LCLAT1: variants seen among roughly 807,000 people sequenced by gnomAD.
LCLAT1 encodes 1-AGP acyltransferase 8.
In LCLAT1, 11 loss-of-function variants were observed where a neutral mutation model predicts 30.7. The observed-to-expected ratio is 0.36, with a 90% CI of 0.23 to 0.59. The LOEUF (loss-of-function observed/expected upper bound fraction) is 0.59, where lower values mean the gene tolerates loss of function less well. Among genes scored for constraint, LCLAT1 ranks in the 20% least tolerant of loss-of-function variants. LCLAT1 has a pLI of 0.77. For synonymous variants in LCLAT1, 155 were observed against 151.3 expected, an observed-to-expected ratio of 1.02 and a Z score of -0.18; for missense variants, 402 against 458.6, an observed-to-expected ratio of 0.88 and a Z score of 1.13.
chr2:30,452,863 C>T (rs974859873), intron 1 of LCLAT1, among the ~76,000 whole-genome samples: 1 of 152,046 alleles, frequency 6.6e-6, no homozygotes, highest in Non-Finnish European at 1.5e-5. Flanking sequence ...CACACCTTTA[C>T]CTTGTCCTCT....
chr2:30,621,132 A>G (rs17009896), intron 5 of LCLAT1, among the ~76,000 whole-genome samples: 2,347 of 152,266 alleles, frequency 0.015, 56 homozygotes, highest in African/African-American at 0.054. Flanking sequence ...GAAAGTCCTT[A>G]TTTACCCCTC....
At chr2:30,519,784 G>A (rs368005079) in intron 1 of LCLAT1, among the ~76,000 whole-genome samples, 4 of 152,140 alleles carry the variant, frequency 2.6e-5, no homozygotes, top group Admixed American at 6.5e-5. Flanking sequence ...GTCCCCTCCC[G>A]TTGTATGGGA....
At chr2:30,449,377 C>T (rs1681428455) in intron 1 of LCLAT1, among the ~76,000 whole-genome samples, 1 of 152,122 alleles carries the variant, frequency 6.6e-6, no homozygotes, top group Admixed American at 6.6e-5. Context: ...TGGTTTATTC[C>T]ATTGGCGTCC....
At chr2:30,543,001 A>ATTTTTTTTTTTTTTT in intron 3 of LCLAT1, among the ~76,000 whole-genome samples, 1 of 144,378 alleles carries the variant, frequency 6.9e-6, no homozygotes. Flanking sequence ...TTTTAGTATA[A>ATTTTTTTTTTTTTTT]TGTTAAGTAG....
intron 1 of LCLAT1, among the ~76,000 whole-genome samples, chr2:30,480,381 A>G (rs829639): frequency 0.83 from 126,825 of 151,966 alleles, 53,068 homozygotes; most frequent in East Asian, 0.94. Flanking sequence ...TCTTTGTAGA[A>G]ATGGGGTTTT....
At chr2:30,510,420 G>C (rs749204586) in intron 1 of LCLAT1, among the ~76,000 whole-genome samples, 1 of 152,114 alleles carries the variant, frequency 6.6e-6, no homozygotes, top group Non-Finnish European at 1.5e-5. Flanking sequence ...TCTTGCTCCT[G>C]GTATTGGCTG....
chr2:30,545,845 C>G (rs984852398), intron 3 of LCLAT1, among the ~76,000 whole-genome samples: 1 of 152,104 alleles, frequency 6.6e-6, no homozygotes, highest in Admixed American at 6.6e-5. Flanking sequence ...TTCTTGGTTT[C>G]TCTGGATCAT....
chr2:30,633,498 C>A (rs902737012), intron 5 of LCLAT1, among the ~76,000 whole-genome samples: 1 of 152,022 alleles, frequency 6.6e-6, no homozygotes, highest in Non-Finnish European at 1.5e-5. Flanking sequence ...ACCATCCTGG[C>A]CAACATGGTA....
intron 5 of LCLAT1, among the ~76,000 whole-genome samples, chr2:30,587,549 G>T (rs1296787693): frequency 6.6e-6 from 1 of 152,196 alleles, no homozygotes; most frequent in Non-Finnish European, 1.5e-5. Flanking sequence ...AAGTTCTGAA[G>T]TCTGACAAGT....
chr2:30,506,401 C>T (rs559841401), intron 1 of LCLAT1, among the ~76,000 whole-genome samples: 12 of 152,000 alleles, frequency 7.9e-5, no homozygotes, highest in Non-Finnish European at 1.6e-4. Flanking sequence ...ATAATAGAGA[C>T]AGTGTTTTAA....
At chr2:30,621,195 G>T (rs1668230187) in intron 5 of LCLAT1, among the ~76,000 whole-genome samples, 1 of 152,128 alleles carries the variant, frequency 6.6e-6, no homozygotes, top group Non-Finnish European at 1.5e-5. Flanking sequence ...TACTCATCCA[G>T]ATGTTGACTC....
intron 3 of LCLAT1, among the ~76,000 whole-genome samples, chr2:30,544,167 A>T (rs1252113764): frequency 1.3e-5 from 2 of 152,124 alleles, no homozygotes; most frequent in East Asian, 1.9e-4. Context: ...CTCCCTTCCC[A>T]CAAGTGAACA....
intron 1 of LCLAT1, among the ~76,000 whole-genome samples, chr2:30,461,387 G>A (rs187490965): frequency 9.2e-5 from 14 of 152,012 alleles, no homozygotes; most frequent in Admixed American, 9.2e-4. Context: ...TTTTTTATTT[G>A]TTTCTAGTTA....
chr2:30,486,561 C>A (rs1312839244), intron 1 of LCLAT1, among the ~76,000 whole-genome samples: 3 of 152,100 alleles, frequency 2.0e-5, no homozygotes, highest in African/African-American at 7.2e-5. Flanking sequence ...TCACATGGTT[C>A]CCTCCTTCCC....
chr2:30,474,649 CTT>C (rs10654986), intron 1 of LCLAT1, among the ~76,000 whole-genome samples: 20 of 143,890 alleles, frequency 1.4e-4, no homozygotes, highest in Admixed American at 8.3e-4. Context: ...AATAATTTAA[CTT>C]TTTTTTTTTT....
chr2:30,467,623 C>T lies in LCLAT1; in HGVS notation c.-5+20240C>T, dbSNP rs367555920. ...TGTTGTTTCTTGACTTTTTAATGAT[C>T]GCCATTCTAACAGGTGTGAGATGGT... On this transcript the variant is annotated intron_variant, in intron 1 of 5. Transcript: ENST00000379509. Among the ~76,000 whole-genome samples the T allele has an allele frequency of 2.7e-4, 41 of 152,274 alleles. No homozygotes were observed. The East Asian group carries it at 6.4e-3, about 24-fold the overall frequency.
intron 3 of LCLAT1, among the ~76,000 whole-genome samples, chr2:30,536,948 A>T (rs186220266): frequency 2.1e-3 from 322 of 152,354 alleles, no homozygotes; most frequent in African/African-American, 7.4e-3. Flanking sequence ...ACAAAGCAGG[A>T]CCCAACTATA....
In LCLAT1 at chr2:30,641,480, T is replaced by G. The variant is rs889688758; in HGVS notation, c.*861T>G. 3.9e-5 allele frequency: 6 copies of G among 152,204 alleles called. No homozygotes were observed. The highest frequency in any genetic ancestry group is 5.9e-5 in the Non-Finnish European group (4 of 68,028). The allele number at this position is 152,204 out of a possible 1,614,324, so 9.4% of individuals were successfully genotyped here. A position where few individuals can be genotyped will look rare whatever the true frequency, so the allele number is the denominator to read the frequency against. On this transcript the variant is annotated 3_prime_UTR_variant, in exon 6 of 6. Coordinates refer to ENST00000379509, the MANE Select transcript of LCLAT1 (RefSeq NM_001002257.3). ...CACTCAGAACATTCTGTCATTCCAG[T>G]CAGAAACTGTCTTTTGAAATATTTC...
intron 1 of LCLAT1, among the ~76,000 whole-genome samples, chr2:30,476,795 A>G (rs1025210571): frequency 6.6e-6 from 1 of 152,182 alleles, no homozygotes; most frequent in Admixed American, 6.5e-5. Flanking sequence ...TCCTGGTGCC[A>G]AAAAGGCTGG....
Sources: allele counts gnomAD v4.1 joint callset (sites outside exome capture counted in the v4.1 genomes callset), GRCh38; gene constraint gnomAD v4.1.1; transcripts MANE v1.5; gene names NCBI Gene and HGNC (gene_info 2026-07-23, HGNC 2026-07-21).